The following NUMB variants were observed in gnomAD, a reference collection of about 807,000 sequenced individuals.
NUMB encodes the protein NUMB endocytic adaptor protein.
A neutral mutation model predicts 59.7 loss-of-function variants in NUMB; 29 were observed. The ratio of observed to expected loss-of-function variants is 0.49; its 90% CI spans 0.36 to 0.66. The LOEUF (loss-of-function observed/expected upper bound fraction) is 0.66. Ranked by LOEUF, NUMB falls within the 30% of genes least tolerant of loss-of-function variation. The probability of loss-of-function intolerance (pLI) is 0.00; values close to 1 mark genes in which losing one functional copy is unlikely to be tolerated. For missense variants in NUMB, 723 were observed against 822.0 expected, an observed-to-expected ratio of 0.88 and a Z score of 1.47; for synonymous variants, 288 against 288.2, an observed-to-expected ratio of 1.00 and a Z score of 0.01.
chr14:73,399,334 C>A (rs1044839882), intron 2 of NUMB, among the ~76,000 whole-genome samples: 1 of 152,142 alleles, frequency 6.6e-6, no homozygotes, highest in Non-Finnish European at 1.5e-5. Context: ...GAGGCTGAGG[C>A]GGGCAGATCA....
chr14:73,458,261 G>A (rs1474909449), intron 1 of NUMB: 1 of 153,170 alleles, frequency 6.5e-6, no homozygotes, highest in Non-Finnish European at 1.5e-5. Context: ...TCCGGCCGTA[G>A]CCTACCTTCC....
intron 2 of NUMB, among the ~76,000 whole-genome samples, chr14:73,389,293 AC>A (rs369777484): frequency 0.33 from 26,400 of 80,916 alleles, 3,170 homozygotes; most frequent in East Asian, 0.57. Flanking sequence ...AAAAAAAAAA[AC>A]AAAAACAAAA....
At chr14:73,445,984 G>A (rs974660989) in intron 1 of NUMB, among the ~76,000 whole-genome samples, 7 of 150,654 alleles carry the variant, frequency 4.6e-5, no homozygotes, top group African/African-American at 1.7e-4. Context: ...ATTTAATATT[G>A]CAAAATAACT....
At chr14:73,375,296 A>AT (rs1894898058) in intron 2 of NUMB, among the ~76,000 whole-genome samples, 1 of 152,216 alleles carries the variant, frequency 6.6e-6, no homozygotes, top group Admixed American at 6.5e-5. Context: ...TGTGCCAGCT[A>AT]TTAAGAGACT....
chr14:73,438,795 T>C (rs1882813345), intron 1 of NUMB, among the ~76,000 whole-genome samples: 2 of 151,998 alleles, frequency 1.3e-5, no homozygotes, highest in Admixed American at 1.3e-4. Context: ...TTTTTTAAAA[T>C]GAATTAGGGG....
chr14:73,425,019 C>T (rs1332673036), intron 1 of NUMB, among the ~76,000 whole-genome samples: 1 of 152,162 alleles, frequency 6.6e-6, no homozygotes, highest in African/African-American at 2.4e-5. Context: ...TTACCTCAGT[C>T]AGAACTATGG....
chr14:73,288,409 G>C (rs929094889), intron 8 of NUMB, among the ~76,000 whole-genome samples: 13 of 151,982 alleles, frequency 8.6e-5, no homozygotes, highest in African/African-American at 2.7e-4. Flanking sequence ...AAATTAGCCG[G>C]ATGTGGTGGC....
At chr14:73,327,651 T>C (rs1010319217) in intron 4 of NUMB, among the ~76,000 whole-genome samples, 3 of 152,146 alleles carry the variant, frequency 2.0e-5, no homozygotes, top group Admixed American at 6.5e-5. Context: ...ACTAAAAAAA[T>C]AGTTAAAAAT....
intron 1 of NUMB, among the ~76,000 whole-genome samples, chr14:73,423,405 G>A (rs979571865): frequency 1.3e-5 from 2 of 151,286 alleles, no homozygotes; most frequent in South Asian, 2.1e-4. Flanking sequence ...TTGGGAGACC[G>A]AGGCAGGCGG....
intron 8 of NUMB, among the ~76,000 whole-genome samples, chr14:73,288,366 C>T (rs535798085): frequency 7.2e-5 from 11 of 152,006 alleles, no homozygotes; most frequent in South Asian, 6.2e-4. Context: ...GCCTGCCCAA[C>T]GTGGCGAAAC....
At chr14:73,362,227 A>G (rs1894131945) in intron 3 of NUMB, among the ~76,000 whole-genome samples, 1 of 152,100 alleles carries the variant, frequency 6.6e-6, no homozygotes, top group Non-Finnish European at 1.5e-5. Flanking sequence ...ACTGCACTCC[A>G]GCCTAGGTGA....
At chr14:73,387,179 G>A (rs1396238404) in intron 2 of NUMB, among the ~76,000 whole-genome samples, 1 of 152,044 alleles carries the variant, frequency 6.6e-6, no homozygotes, top group Admixed American at 6.6e-5. Flanking sequence ...ACCGCGCCCG[G>A]CCTATCAGGT....
intron 8 of NUMB, among the ~76,000 whole-genome samples, chr14:73,289,778 GTTA>G (rs1430031340): frequency 6.6e-6 from 1 of 152,216 alleles, no homozygotes; most frequent in Non-Finnish European, 1.5e-5. Flanking sequence ...TAGGCCAGAT[GTTA>G]AAGCATGAAA....
At chr14:73,392,344 A>T (rs988081295) in intron 2 of NUMB, among the ~76,000 whole-genome samples, 1 of 152,228 alleles carries the variant, frequency 6.6e-6, no homozygotes, top group African/African-American at 2.4e-5. Context: ...CCCTGCAATT[A>T]TGAGTCCTAA....
chr14:73,354,705 G>A (rs1893677703), intron 4 of NUMB, among the ~76,000 whole-genome samples: 1 of 150,724 alleles, frequency 6.6e-6, no homozygotes, highest in Non-Finnish European at 1.5e-5. Flanking sequence ...GGGCACGCCT[G>A]TAGTCCCTGC....
chr14:73,286,856 G>A, intron 9 of NUMB: 1 of 491,556 alleles, frequency 2.0e-6, no homozygotes. Flanking sequence ...AAGGGGGTAA[G>A]AGATGTCTCT....
intron 2 of NUMB, among the ~76,000 whole-genome samples, chr14:73,371,675 G>A (rs1566766089): frequency 2.0e-5 from 3 of 152,178 alleles, no homozygotes; most frequent in Admixed American, 6.5e-5. Context: ...ATTAAGAGGT[G>A]GAGCACTTAA....
chr14:73,369,080 C>T (rs183975829), intron 2 of NUMB, among the ~76,000 whole-genome samples: 4 of 149,720 alleles, frequency 2.7e-5, no homozygotes, highest in South Asian at 2.1e-4. Context: ...CTCACACTGT[C>T]GCCCAGGCTG....
At chr14:73,398,791 G>A (rs1896270751) in intron 2 of NUMB, among the ~76,000 whole-genome samples, 1 of 151,992 alleles carries the variant, frequency 6.6e-6, no homozygotes, top group Non-Finnish European at 1.5e-5. Flanking sequence ...ACTGGTGGGA[G>A]CATAAACTGG....
Sources: allele counts gnomAD v4.1 joint callset (sites outside exome capture counted in the v4.1 genomes callset), GRCh38; gene constraint gnomAD v4.1.1; transcripts MANE v1.5; gene names NCBI Gene and HGNC (gene_info 2026-07-23, HGNC 2026-07-21).